The following AKAP7 variants were observed in gnomAD, a reference collection of about 807,000 sequenced individuals.
AKAP7 encodes the protein A kinase (PRKA) anchor protein 7.
A neutral mutation model predicts 39.5 loss-of-function variants in AKAP7; 39 were observed. The observed-to-expected ratio is 0.99, with a 90% CI of 0.76 to 1.29. The LOEUF (loss-of-function observed/expected upper bound fraction) is 1.29. Among genes scored for constraint, AKAP7 ranks in the 50% most tolerant of loss-of-function variants. The pLI, the probability that AKAP7 is intolerant of heterozygous loss-of-function variation, is 0.00. For synonymous variants in AKAP7, 140 were observed against 139.1 expected (o/e 1.01, Z -0.05); for missense variants, 414 against 407.7 (o/e 1.02, Z -0.13).
At chr6:131,273,796 C>A (rs1182797778) in intron 7 of AKAP7, among the ~76,000 whole-genome samples, 3 of 152,052 alleles carry the variant, frequency 2.0e-5, no homozygotes, top group African/African-American at 7.2e-5. Context: ...TTTCCTTCTG[C>A]CTCAGGTTTT....
At chr6:131,221,671 C>A (rs1809708557) in intron 7 of AKAP7, among the ~76,000 whole-genome samples, 1 of 152,182 alleles carries the variant, frequency 6.6e-6, no homozygotes, top group Non-Finnish European at 1.5e-5. Context: ...GCTCATTGTC[C>A]ATTCCAAAAA....
chr6:131,180,768 G>A (rs1417873425), intron 5 of AKAP7, among the ~76,000 whole-genome samples: 1 of 151,412 alleles, frequency 6.6e-6, no homozygotes, highest in African/African-American at 2.4e-5. Flanking sequence ...TCATACAACT[G>A]AGGACTCCCT....
In AKAP7 at chr6:131,242,042, G is replaced by T. The variant is rs183801735; in HGVS notation, c.850+22234G>T. The T allele has an allele frequency of 4.1e-6, 4 of 979,186 alleles. No homozygotes were observed. The East Asian group carries it at 3.4e-4, about 84-fold the overall frequency. The allele number at this position is 979,186 out of a possible 1,614,324, so 60.7% of individuals were successfully genotyped here. A position where few individuals can be genotyped will look rare whatever the true frequency, so the allele number is the denominator to read the frequency against. On this transcript the variant is annotated intron_variant, in intron 7 of 7. Transcript: ENST00000431975. The stretch of plus-strand genomic sequence containing the variant: ...CTGTCTTTTTTAATTAACCCACAGG[G>T]ATCCTTTGATATTGTATCTGACCGT...
intron 7 of AKAP7, among the ~76,000 whole-genome samples, chr6:131,272,864 G>T (rs113743125): frequency 1.9e-3 from 288 of 152,156 alleles, no homozygotes; most frequent in African/African-American, 6.7e-3. Context: ...AGGTGGATTT[G>T]GTTAGTACTG....
intron 7 of AKAP7, among the ~76,000 whole-genome samples, chr6:131,235,221 T>C (rs1810948935): frequency 6.6e-6 from 1 of 152,212 alleles, no homozygotes; most frequent in Non-Finnish European, 1.5e-5. Flanking sequence ...TCCATGTCCC[T>C]ACAAAGGACA....
At chr6:131,157,618 C>T (rs1802538536) in intron 2 of AKAP7, among the ~76,000 whole-genome samples, 2 of 152,118 alleles carry the variant, frequency 1.3e-5, no homozygotes, top group African/African-American at 4.8e-5. Context: ...TGTATTAAAA[C>T]TCTTACGTAA....
intron 2 of AKAP7, among the ~76,000 whole-genome samples, chr6:131,150,547 A>G (rs1404667631): frequency 1.3e-5 from 2 of 152,218 alleles, no homozygotes; most frequent in Non-Finnish European, 2.9e-5. Context: ...AAATGTTATT[A>G]TGAAAGAGGT....
intron 1 of AKAP7, among the ~76,000 whole-genome samples, chr6:131,141,744 A>G (rs371708984): frequency 6.6e-6 from 1 of 152,184 alleles, no homozygotes; most frequent in Non-Finnish European, 1.5e-5. Flanking sequence ...GGAGATGGAT[A>G]TGAGGAAGTT....
chr6:131,277,421 A>G (rs757819373), intron 7 of AKAP7, among the ~76,000 whole-genome samples: 106 of 152,328 alleles, frequency 7.0e-4, no homozygotes, highest in Non-Finnish European at 1.5e-3. Context: ...TACATTGGCA[A>G]TACTTTTTAT....
At chr6:131,198,253 G>C (rs745458040) in intron 5 of AKAP7, among the ~76,000 whole-genome samples, 1 of 152,060 alleles carries the variant, frequency 6.6e-6, no homozygotes, top group Non-Finnish European at 1.5e-5. Flanking sequence ...CTATTTTGAT[G>C]TCCTATCTAC....
chr6:131,260,728 A>G (rs1813243587), intron 7 of AKAP7, among the ~76,000 whole-genome samples: 1 of 152,110 alleles, frequency 6.6e-6, no homozygotes. Context: ...GATAGATTGC[A>G]AAATTTCCTC....
chr6:131,145,919 T>C (rs1478213498), intron 2 of AKAP7, among the ~76,000 whole-genome samples: 1 of 152,140 alleles, frequency 6.6e-6, no homozygotes, highest in Non-Finnish European at 1.5e-5. Context: ...GTTATATTCA[T>C]ATATAATAAT....
At chr6:131,201,652 C>A (rs903442300) in intron 6 of AKAP7, among the ~76,000 whole-genome samples, 1 of 152,114 alleles carries the variant, frequency 6.6e-6, no homozygotes, top group Non-Finnish European at 1.5e-5. Context: ...GTGTTTTAGA[C>A]ATGAAGTCCT....
At chr6:131,161,232 T>C (rs1056876594) in intron 3 of AKAP7, among the ~76,000 whole-genome samples, 1 of 152,160 alleles carries the variant, frequency 6.6e-6, no homozygotes. Flanking sequence ...GGAGAAGATA[T>C]ACATAACAAG....
intron 7 of AKAP7, among the ~76,000 whole-genome samples, chr6:131,262,295 T>A (rs1317022731): frequency 6.6e-6 from 1 of 152,152 alleles, no homozygotes; most frequent in Non-Finnish European, 1.5e-5. Context: ...GGCAGAACTT[T>A]TAGCAGATCC....
rs1260848457 is a variant in AKAP7, at chr6:131,184,759, G to C, written c.590-14702G>C. 42 of 1,084,784 alleles carry C rather than the reference G, an allele frequency of 3.9e-5. 2 individuals carry two copies. In the East Asian group the frequency reaches 9.7e-4, roughly 25 times the overall value. 67.2% of individuals were successfully genotyped at this position (1,084,784 alleles called of 1,614,324 possible). On this transcript the variant is annotated intron_variant, in intron 5 of 7. Coordinates refer to ENST00000431975, the MANE Select transcript of AKAP7 (RefSeq NM_016377.4). ...CTCAGACCTCTGGGAAACAGGAGTGGGTGGTTGGGAGTCTTCTTTGTCCTC... is the reference window on the plus strand; with the variant it reads ...CTCAGACCTCTGGGAAACAGGAGTGCGTGGTTGGGAGTCTTCTTTGTCCTC...
intron 4 of AKAP7, 57 bp from the exon 5 acceptor site, chr6:131,169,056 G>A: frequency 1.4e-6 from 2 of 1,411,096 alleles, no homozygotes; most frequent in East Asian, 2.3e-5. Context: ...TATCTTATTT[G>A]GTTTTGTATA....
chr6:131,274,799 T>C (rs1291072674), intron 7 of AKAP7, among the ~76,000 whole-genome samples: 2 of 152,226 alleles, frequency 1.3e-5, no homozygotes, highest in Non-Finnish European at 2.9e-5. Context: ...AGTACTCCAA[T>C]GCATCGTGCT....
chr6:131,236,919 C>G (rs4626443), intron 7 of AKAP7, among the ~76,000 whole-genome samples: 18,787 of 152,104 alleles, frequency 0.12, 1,284 homozygotes, highest in Admixed American at 0.2. Context: ...CCTGATTGCC[C>G]TGGCCAGAAC....
Sources: allele counts gnomAD v4.1 joint callset (sites outside exome capture counted in the v4.1 genomes callset), GRCh38; gene constraint gnomAD v4.1.1; transcripts MANE v1.5; gene names NCBI Gene and HGNC (gene_info 2026-07-23, HGNC 2026-07-21).